GALP: variants seen among roughly 807,000 people sequenced by gnomAD.
GALP encodes galanin-like peptide.
GALP carries 12 observed loss-of-function variants against 15.2 expected under a neutral mutation model. That is an observed-to-expected ratio of 0.79 (90% CI 0.51 to 1.28). The LOEUF (loss-of-function observed/expected upper bound fraction) is 1.28, where lower values mean the gene tolerates loss of function less well. Ranked by LOEUF, GALP falls within the 50% of genes most tolerant of loss-of-function variation. GALP has a pLI of 0.00. For synonymous variants in GALP, 58 were observed against 55.1 expected, an observed-to-expected ratio of 1.05 and a Z score of -0.23; for missense variants, 161 against 145.6, an observed-to-expected ratio of 1.11 and a Z score of -0.55.
At chr19:56,180,915 CTTTTTTTT>C (rs1174325788) in intron 3 of GALP, among the ~76,000 whole-genome samples, 2 of 40,128 alleles carry the variant, frequency 5.0e-5, no homozygotes, top group African/African-American at 1.8e-4. Flanking sequence ...TTCTTTCTTT[CTTTTTTTT>C]TTTTTTTTTT....
chr19:56,182,803 C>T (rs942343427), intron 4 of GALP, among the ~76,000 whole-genome samples: 3 of 152,136 alleles, frequency 2.0e-5, no homozygotes, highest in African/African-American at 7.2e-5. Context: ...GGAGATCTGC[C>T]CCCATCAGTC....
At chr19:56,176,856 G>A (rs904786364) in intron 1 of GALP, among the ~76,000 whole-genome samples, 1 of 129,502 alleles carries the variant, frequency 7.7e-6, no homozygotes, top group Non-Finnish European at 1.6e-5. Context: ...AGGCATGGGC[G>A]CTGGGGGACC....
chr19:56,183,319 A>T, intron 5 of GALP, 107 bp downstream of exon 5: 1 of 880,528 alleles, frequency 1.1e-6, no homozygotes. Flanking sequence ...ACTGGAACCA[A>T]CCAGGGACCT....
intron 1 of GALP, among the ~76,000 whole-genome samples, chr19:56,176,337 G>C (rs13346719): frequency 7.2e-3 from 427 of 58,944 alleles, no homozygotes; most frequent in African/African-American, 0.012. Flanking sequence ...CAGGAGGGCA[G>C]AGGGGCGGAT....
intron 2 of GALP, 57 bp downstream of exon 2, chr19:56,177,252 G>A (rs917510485): frequency 1.1e-4 from 153 of 1,433,634 alleles, no homozygotes; most frequent in Non-Finnish European, 1.4e-4. Flanking sequence ...CTGCCCTCTG[G>A]GAAGAGTTTT....
chr19:56,180,452 G>A (rs2032544197), intron 2 of GALP, 134 bp from the exon 3 acceptor site: 10 of 718,630 alleles, frequency 1.4e-5, no homozygotes, highest in Non-Finnish European at 2.0e-5. Context: ...CCTCATCGGT[G>A]CAATGGGGAT....
chr19:56,179,613 A>G (rs1288438071), intron 2 of GALP, among the ~76,000 whole-genome samples: 1 of 148,782 alleles, frequency 6.7e-6, no homozygotes, highest in African/African-American at 2.5e-5. Context: ...AAGTTTACCT[A>G]CTAGGGTTGT....
intron 3 of GALP, among the ~76,000 whole-genome samples, chr19:56,181,395 CTTTTTTTTTTTTTTTT>C (rs10656072): frequency 1.2e-5 from 1 of 81,316 alleles, no homozygotes; most frequent in Non-Finnish European, 2.2e-5. Flanking sequence ...TCTCTCTCTC[CTTTTTTTTTTTTTTTT>C]TTTTTTTTTT....
At chr19:56,176,989 T>C (rs1284450693) in intron 1 of GALP, 81 bp from the exon 2 acceptor site, 1 of 673,968 alleles carries the variant, frequency 1.5e-6, no homozygotes, top group African/African-American at 1.9e-5. Flanking sequence ...TCCATAAAGC[T>C]AAAAAATAAA....
At chr19:56,182,110 G>A (rs1353918155) in intron 3 of GALP, 62 bp from the exon 4 acceptor site, 7 of 1,159,702 alleles carry the variant, frequency 6.0e-6, no homozygotes, top group Non-Finnish European at 7.8e-6. Flanking sequence ...ATTGATGGAC[G>A]ATGTGTTTCT....
chr19:56,176,833 G>T (rs1417750153), intron 1 of GALP, among the ~76,000 whole-genome samples: 1 of 132,964 alleles, frequency 7.5e-6, no homozygotes, highest in Non-Finnish European at 1.6e-5. Context: ...AGTGGTGGAG[G>T]CAGTGGGGCA....
chr19:56,178,553 C>T (rs2032507881), intron 2 of GALP, among the ~76,000 whole-genome samples: 1 of 145,630 alleles, frequency 6.9e-6, no homozygotes, highest in African/African-American at 2.6e-5. Context: ...GAGACGCCGG[C>T]TTGGCATTCA....
At chr19:56,178,158 T>G (rs1454739963) in intron 2 of GALP, among the ~76,000 whole-genome samples, 1 of 131,168 alleles carries the variant, frequency 7.6e-6, no homozygotes, top group Non-Finnish European at 1.6e-5. Context: ...ATGCAGTTTT[T>G]TTCTAACAAA....
intron 2 of GALP, among the ~76,000 whole-genome samples, chr19:56,179,520 G>T (rs181311622): frequency 6.6e-6 from 1 of 151,392 alleles, no homozygotes; most frequent in East Asian, 2.0e-4. Flanking sequence ...GGGGTTTCAC[G>T]TGTTAGCCAG....
chr19:56,177,099 C>A lies in GALP; in HGVS notation c.-10C>A. 1 of 1,610,428 alleles carries A rather than the reference C, an allele frequency of 6.2e-7. No individual in the cohort carries two copies. The highest frequency in any genetic ancestry group is 8.5e-7 in the Non-Finnish European group (1 of 1,177,954). The stretch of plus-strand genomic sequence containing the variant: ...TTCCGCAGCTGTAGGCACCTGTCGT[C>A]CTGCCTTCGATGGCTCCTCCCTCCG... On this transcript the variant is annotated 5_prime_UTR_variant, in exon 2 of 6. Coordinates refer to ENST00000357330, the MANE Select transcript of GALP (RefSeq NM_033106.4).
At chr19:56,183,299 A>C in intron 5 of GALP, 87 bp downstream of exon 5, 1 of 1,166,910 alleles carries the variant, frequency 8.6e-7, no homozygotes, top group South Asian at 1.2e-5. Context: ...TAAAGGAAGA[A>C]AGGAAGGAAA....
At position 56,180,292 on chromosome 19, in the gene GALP, T is replaced by A. The variant is rs2032541386; in HGVS notation, c.88-294T>A. Among the ~76,000 whole-genome samples, 4 of 152,232 alleles carry A rather than the reference T, an allele frequency of 2.6e-5. No homozygotes were observed. The South Asian group carries it at 8.3e-4, about 31-fold the overall frequency. ...GCCATAGAGCTCTAGGACTTCTTCA[T>A]CCTGCATAACTGAAATTATACCTGT... On this transcript the variant is annotated intron_variant, in intron 2 of 5. Coordinates refer to ENST00000357330, the MANE Select transcript of GALP (RefSeq NM_033106.4).
At position 56,181,359 on chromosome 19, in the gene GALP, A is replaced by G. The variant is rs192916577; in HGVS notation, c.136+725A>G. Among the ~76,000 whole-genome samples the G allele has an allele frequency of 1.1e-4, 16 of 143,848 alleles. No homozygotes were observed. The East Asian group carries it at 3.3e-3, about 30-fold the overall frequency. The allele number at this position is 143,848 out of a possible 152,430, so 94.4% of individuals were successfully genotyped here. On this transcript the variant is annotated intron_variant, in intron 3 of 5. Coordinates refer to ENST00000357330, the MANE Select transcript of GALP (RefSeq NM_033106.4). ...ATAGCTGGTGTGTAGTGGGTGCTGTATAATGATTAGCTGCTATTCTTTGTC... is the reference window on the plus strand; with the variant it reads ...ATAGCTGGTGTGTAGTGGGTGCTGTGTAATGATTAGCTGCTATTCTTTGTC...
intron 1 of GALP, among the ~76,000 whole-genome samples, chr19:56,176,863 G>T (rs1599925897): frequency 6.6e-6 from 1 of 151,970 alleles, no homozygotes; most frequent in South Asian, 2.1e-4. Context: ...GGCGCTGGGG[G>T]ACCAGGTCGG....
Sources: gnomAD v4.1 joint callset for allele counts (sites outside exome capture counted in the v4.1 genomes callset) on GRCh38, gnomAD v4.1.1 for gene constraint, MANE v1.5 for transcripts, NCBI Gene and HGNC (gene_info 2026-07-23, HGNC 2026-07-21) for gene names.